SOCS5: variants seen among roughly 807,000 people sequenced by gnomAD.
The protein encoded by SOCS5 is CIS-6.
A neutral mutation model predicts 42.8 loss-of-function variants in SOCS5; 32 were observed. The ratio of observed to expected loss-of-function variants is 0.75; its 90% confidence interval spans 0.56 to 1.01. The LOEUF is 1.01. Among genes scored for constraint, SOCS5 ranks in the 50% least tolerant of loss-of-function variants. The pLI is 0.00. For missense variants in SOCS5, 627 were observed against 653.0 expected, an observed-to-expected ratio of 0.96 and a Z score of 0.43; for synonymous variants, 283 against 229.6, an observed-to-expected ratio of 1.23 and a Z score of -2.10.
At chr2:46,706,400 A>C (rs1367776702) in intron 1 of SOCS5, among the ~76,000 whole-genome samples, 1 of 152,174 alleles carries the variant, frequency 6.6e-6, no homozygotes, top group African/African-American at 2.4e-5. Context: ...GGGTTTGTGA[A>C]GTGCTCTTTT....
intron 1 of SOCS5, among the ~76,000 whole-genome samples, chr2:46,708,557 C>G (rs1443035602): frequency 6.6e-6 from 1 of 152,062 alleles, no homozygotes; most frequent in Non-Finnish European, 1.5e-5. Context: ...GCGTTCAGAA[C>G]AAAAAGTAAC....
intron 1 of SOCS5, among the ~76,000 whole-genome samples, chr2:46,745,180 A>G (rs1450415204): frequency 6.6e-6 from 1 of 152,140 alleles, no homozygotes; most frequent in East Asian, 1.9e-4. Flanking sequence ...ATCAAAGAAT[A>G]TTGAGAATTC....
chr2:46,701,816 T>TTTTTTTTTTTTTTTTTTTTTTTTGAGACG (rs1335180454), intron 1 of SOCS5, among the ~76,000 whole-genome samples: 2 of 135,674 alleles, frequency 1.5e-5, no homozygotes. Flanking sequence ...ATAATTTTTA[T>TTTTTTTTTTTTTTTTTTTTTTTTGAGACG]GCTAAAATTA....
At chr2:46,714,310 A>G (rs1273845865) in intron 1 of SOCS5, among the ~76,000 whole-genome samples, 1 of 152,146 alleles carries the variant, frequency 6.6e-6, no homozygotes, top group African/African-American at 2.4e-5. Flanking sequence ...TCCTATTTCA[A>G]GCATAGTTTA....
chr2:46,713,581 A>G (rs41349351), intron 1 of SOCS5, among the ~76,000 whole-genome samples: 10,205 of 152,080 alleles, frequency 0.067, 361 homozygotes, highest in Middle Eastern at 0.13. Flanking sequence ...AGAAAGGAAT[A>G]TCAATTTCAT....
chr2:46,727,025 G>T (rs1673009477), intron 1 of SOCS5, among the ~76,000 whole-genome samples: 1 of 151,876 alleles, frequency 6.6e-6, no homozygotes, highest in Admixed American at 6.6e-5. Flanking sequence ...CAAAGTTCTG[G>T]GATTACAGGC....
At chr2:46,754,337 A>G (rs1309523793) in intron 1 of SOCS5, among the ~76,000 whole-genome samples, 1 of 151,972 alleles carries the variant, frequency 6.6e-6, no homozygotes, top group Non-Finnish European at 1.5e-5. Flanking sequence ...TATTTTTTCC[A>G]TTTCTTTGAA....
intron 1 of SOCS5, among the ~76,000 whole-genome samples, chr2:46,730,727 A>T (rs1287491372): frequency 6.6e-6 from 1 of 152,222 alleles, no homozygotes; most frequent in Non-Finnish European, 1.5e-5. Context: ...ACACTTGCTA[A>T]TTGATGGGAA....
At chr2:46,731,356 A>G (rs55690119) in intron 1 of SOCS5, among the ~76,000 whole-genome samples, 2,597 of 152,306 alleles carry the variant, frequency 0.017, 28 homozygotes, top group Non-Finnish European at 0.026. Context: ...TCCTCACCAG[A>G]CACCAAATCT....
chr2:46,702,249 C>G (rs1330368676), intron 1 of SOCS5, among the ~76,000 whole-genome samples: 1 of 152,150 alleles, frequency 6.6e-6, no homozygotes, highest in African/African-American at 2.4e-5. Flanking sequence ...TTGCTGTACA[C>G]GCACTTTCAA....
chr2:46,736,730 C>T (rs1272805175), intron 1 of SOCS5, among the ~76,000 whole-genome samples: 2 of 152,138 alleles, frequency 1.3e-5, no homozygotes, highest in Admixed American at 6.6e-5. Flanking sequence ...TGTTGATGGA[C>T]GCTTGGGTTG....
At chr2:46,733,092 T>C (rs1558406749) in intron 1 of SOCS5, among the ~76,000 whole-genome samples, 1 of 151,720 alleles carries the variant, frequency 6.6e-6, no homozygotes, top group Non-Finnish European at 1.5e-5. Flanking sequence ...AAATTATTTT[T>C]ATTTTATTTA....
rs556751392 is a variant in SOCS5 at position 46,744,541 on chromosome 2, T to C, written c.-12-13978T>C. Among the ~76,000 whole-genome samples, 41 of 152,008 alleles carry C rather than the reference T, an allele frequency of 2.7e-4. 1 individual carries two copies. The South Asian group carries it at 8.3e-3, about 31-fold the overall frequency. On this transcript the variant is annotated intron_variant, in intron 1 of 1. Coordinates refer to ENST00000394861, the MANE Select transcript of SOCS5 (RefSeq NM_144949.3). ...AAATAATAAAGACTTTTTTTTTTTTTCTTGAGATGGAGTTTTGCTCTTGTT... is the reference window on the plus strand; with the variant it reads ...AAATAATAAAGACTTTTTTTTTTTTCCTTGAGATGGAGTTTTGCTCTTGTT...
At chr2:46,706,918 C>A (rs115289336) in intron 1 of SOCS5, among the ~76,000 whole-genome samples, 2 of 152,250 alleles carry the variant, frequency 1.3e-5, no homozygotes, top group South Asian at 4.2e-4. Context: ...AAAGTACCAA[C>A]GGCAGCATTT....
At chr2:46,702,604 C>T (rs1222062942) in intron 1 of SOCS5, among the ~76,000 whole-genome samples, 2 of 152,182 alleles carry the variant, frequency 1.3e-5, no homozygotes, top group Non-Finnish European at 2.9e-5. Flanking sequence ...TCTTCTCTGC[C>T]AGTGGAACCA....
chr2:46,712,188 A>T (rs1672637846), intron 1 of SOCS5, among the ~76,000 whole-genome samples: 1 of 152,152 alleles, frequency 6.6e-6, no homozygotes, highest in Admixed American at 6.5e-5. Flanking sequence ...AACATAATAT[A>T]GCTCTATTTA....
chr2:46,720,495 C>T (rs1197803817), intron 1 of SOCS5, among the ~76,000 whole-genome samples: 1 of 152,148 alleles, frequency 6.6e-6, no homozygotes, highest in Non-Finnish European at 1.5e-5. Flanking sequence ...AAGAATTCAG[C>T]AGTATTTGCT....
chr2:46,754,623 A>G (rs931537985), intron 1 of SOCS5, among the ~76,000 whole-genome samples: 11 of 152,052 alleles, frequency 7.2e-5, no homozygotes, highest in African/African-American at 2.4e-4. Flanking sequence ...GGTCTACTGT[A>G]TTAATATATC....
Position 46,759,498 on chromosome 2 carries a change from A to G in SOCS5, c.968A>G (p.Asp323Gly), listed in dbSNP as rs763325090. Residue 323 changes from aspartate (D) to glycine (G), a missense_variant, in exon 2 of 2, where the codon GAC becomes GGC. Asp to Gly is a moderately conservative substitution (Grantham distance 94). Around this residue, in one of 3 missense-constraint regions of SOCS5, gnomAD observed 340 missense variants for 367.6 expected, o/e 0.92. Transcript: ENST00000394861. Reference sequence around the variant, plus strand: ...TCTGCAATTCCACAAGCTAATTGTGACTCGGAAGAGGATACAACCACCCTG... The same window carrying G: ...TCTGCAATTCCACAAGCTAATTGTGGCTCGGAAGAGGATACAACCACCCTG... Reference protein sequence around the residue: ...DSSAIPQANCDSEEDTTTLCL... With the variant: ...DSSAIPQANCGSEEDTTTLCL... 1 of 1,613,996 alleles carries G rather than the reference A, an allele frequency of 6.2e-7. No individual in the cohort carries two copies. The highest frequency in any genetic ancestry group is 1.3e-5 in the African/African-American group (1 of 75,048).
Sources: gnomAD v4.1 joint callset for allele counts (sites outside exome capture counted in the v4.1 genomes callset) on GRCh38, gnomAD v4.1.1 for gene constraint, gnomAD v4.1.1 regional missense constraint, MANE v1.5 for transcripts, NCBI Gene and HGNC (gene_info 2026-07-23, HGNC 2026-07-21) for gene names.